The following POU2F1 variants were observed in gnomAD, a reference collection of about 807,000 sequenced individuals.
The protein encoded by POU2F1 is POU domain, class 2, transcription factor 1.
In POU2F1, 16 loss-of-function variants were observed where a neutral mutation model predicts 84.9. The ratio of observed to expected loss-of-function variants is 0.19; its 90% CI spans 0.13 to 0.29. POU2F1 has a LOEUF of 0.29. POU2F1 is among the 10% of genes least tolerant of loss of function. The pLI, the probability that POU2F1 is intolerant of heterozygous loss-of-function variation, is 1.00. For missense variants in POU2F1, 738 were observed against 942.6 expected, an observed-to-expected ratio of 0.78 and a Z score of 2.84; for synonymous variants, 368 against 368.3, an observed-to-expected ratio of 1.00 and a Z score of 0.01.
intron 1 of POU2F1, among the ~76,000 whole-genome samples, chr1:167,297,720 G>A (rs540992117): frequency 6.6e-6 from 1 of 152,268 alleles, no homozygotes; most frequent in East Asian, 1.9e-4. Context: ...CTACTACTAT[G>A]TAAGCCCTCA....
chr1:167,282,469 C>T (rs943776076), intron 1 of POU2F1, among the ~76,000 whole-genome samples: 3 of 152,162 alleles, frequency 2.0e-5, no homozygotes, highest in Admixed American at 2.0e-4. Context: ...TCTATTACAT[C>T]CCTCTTGCTT....
intron 9 of POU2F1, among the ~76,000 whole-genome samples, chr1:167,395,108 C>T (rs1473187229): frequency 2.0e-5 from 3 of 152,148 alleles, no homozygotes; most frequent in Non-Finnish European, 1.5e-5. Context: ...ACTCCGTGAG[C>T]CTCTGTTTCC....
At chr1:167,238,395 C>A (rs903180266) in intron 1 of POU2F1, among the ~76,000 whole-genome samples, 3 of 152,022 alleles carry the variant, frequency 2.0e-5, no homozygotes, top group African/African-American at 7.2e-5. Flanking sequence ...AATTTGAAAA[C>A]AAACAAACTT....
intron 1 of POU2F1, among the ~76,000 whole-genome samples, chr1:167,263,108 T>G (rs888589697): frequency 4.6e-5 from 7 of 152,224 alleles, no homozygotes; most frequent in African/African-American, 1.7e-4. Flanking sequence ...CACTTTTTTG[T>G]TTTCTTTATA....
chr1:167,336,476 A>G (rs1354944997), intron 2 of POU2F1, among the ~76,000 whole-genome samples: 2 of 152,184 alleles, frequency 1.3e-5, no homozygotes, highest in East Asian at 3.8e-4. Context: ...CATAAGACCT[A>G]TACGAAGTAC....
intron 1 of POU2F1, among the ~76,000 whole-genome samples, chr1:167,291,537 G>A (rs1052188615): frequency 6.6e-6 from 1 of 152,090 alleles, no homozygotes; most frequent in Non-Finnish European, 1.5e-5. Flanking sequence ...GATTATTTTA[G>A]TACAAACAAG....
intron 3 of POU2F1, among the ~76,000 whole-genome samples, chr1:167,367,991 T>C (rs548904372): frequency 6.6e-6 from 1 of 152,294 alleles, no homozygotes; most frequent in Non-Finnish European, 1.5e-5. Context: ...TACTTCAGCA[T>C]GTTTTTCCTA....
chr1:167,339,289 C>T (rs367963516), intron 2 of POU2F1, among the ~76,000 whole-genome samples: 20 of 152,148 alleles, frequency 1.3e-4, no homozygotes, highest in African/African-American at 4.1e-4. Context: ...TGCAAAATAC[C>T]TTTTGCCGTG....
chr1:167,413,720 A>G (rs1464828356), intron 15 of POU2F1, among the ~76,000 whole-genome samples: 1 of 152,238 alleles, frequency 6.6e-6, no homozygotes, highest in Non-Finnish European at 1.5e-5. Flanking sequence ...CATGTTACCC[A>G]GGGCAATATT....
At chr1:167,294,207 G>T (rs1654129070) in intron 1 of POU2F1, among the ~76,000 whole-genome samples, 1 of 148,986 alleles carries the variant, frequency 6.7e-6, no homozygotes, top group Non-Finnish European at 1.5e-5. Flanking sequence ...AAATTAGCCA[G>T]GTGTGGTGGC....
intron 1 of POU2F1, 61 bp downstream of exon 1, chr1:167,221,019 C>T: frequency 7.3e-7 from 1 of 1,377,686 alleles, no homozygotes; most frequent in Non-Finnish European, 1.0e-6. Context: ...CCGCTGCCCC[C>T]CCCCGCGACT....
chr1:167,282,830 CTCCAGAGGCCTACTG>C (rs1653252259), intron 1 of POU2F1, among the ~76,000 whole-genome samples: 1 of 152,188 alleles, frequency 6.6e-6, no homozygotes, highest in Non-Finnish European at 1.5e-5. Flanking sequence ...GCAGAGCTTG[CTCCAGAGGCCTACTG>C]TCCAGGTTAA....
At chr1:167,237,601 C>G (rs749553823) in intron 1 of POU2F1, among the ~76,000 whole-genome samples, 21 of 151,632 alleles carry the variant, frequency 1.4e-4, no homozygotes, top group Admixed American at 2.0e-4. Flanking sequence ...TCATTTTGTA[C>G]TACCATTTGT....
chr1:167,395,428 T>G (rs917747989), intron 9 of POU2F1, among the ~76,000 whole-genome samples: 6 of 152,008 alleles, frequency 3.9e-5, no homozygotes, highest in African/African-American at 1.4e-4. Flanking sequence ...GAAAATAGAT[T>G]TTTTTTTCAC....
chr1:167,402,140 T>C (rs1315337840), intron 13 of POU2F1, among the ~76,000 whole-genome samples: 1 of 152,206 alleles, frequency 6.6e-6, no homozygotes, highest in East Asian at 1.9e-4. Flanking sequence ...TTTTTTTCCT[T>C]TGGCCTCTTT....
intron 1 of POU2F1, among the ~76,000 whole-genome samples, chr1:167,308,424 T>C (rs1012803107): frequency 2.6e-5 from 4 of 152,126 alleles, no homozygotes; most frequent in Non-Finnish European, 5.9e-5. Flanking sequence ...GTCAGTCTTG[T>C]CTTCTGTAAA....
At chr1:167,249,148 C>T (rs12068411) in intron 1 of POU2F1, among the ~76,000 whole-genome samples, 42,375 of 151,950 alleles carry the variant, frequency 0.28, 6,130 homozygotes, top group Middle Eastern at 0.44. Context: ...TTTTTTCTGC[C>T]TCTGTAAGAA....
intron 13 of POU2F1, among the ~76,000 whole-genome samples, chr1:167,407,252 A>T (rs1649647579): frequency 6.6e-6 from 1 of 151,412 alleles, no homozygotes; most frequent in Non-Finnish European, 1.5e-5. Flanking sequence ...CTGGTCTCGA[A>T]CTCCTGGGCT....
At chr1:167,333,295 A>G (rs1309465480) in intron 2 of POU2F1, among the ~76,000 whole-genome samples, 1 of 152,184 alleles carries the variant, frequency 6.6e-6, no homozygotes. Context: ...ATGTATCTTT[A>G]TCATCTGCCA....
Sources: gnomAD v4.1 joint callset for allele counts (sites outside exome capture counted in the v4.1 genomes callset) on GRCh38, gnomAD v4.1.1 for gene constraint, MANE v1.5 for transcripts, NCBI Gene and HGNC (gene_info 2026-07-23, HGNC 2026-07-21) for gene names.